The following HACL2 variants were observed in gnomAD, a reference collection of about 807,000 sequenced individuals.
HACL2 encodes 2-hydroxyacyl-CoA lyase 2.
At chr19:15,123,206 G>A in the HACL2 span, 13 of 1,613,928 alleles carry the variant, frequency 8.1e-6, no homozygotes, top group Non-Finnish European at 1.0e-5. The surrounding 1 kb of genome is among the most constrained non-coding windows in gnomAD (Gnocchi z 5.1). Flanking sequence ...TGTTGGTGAG[G>A]CCAGGGCCTG....
the HACL2 span, chr19:15,116,191 G>T: frequency 6.2e-7 from 1 of 1,613,808 alleles, no homozygotes; most frequent in African/African-American, 1.3e-5. Flanking sequence ...GGCTGTACCA[G>T]ATGGGCAGCA....
At chr19:15,116,298 G>A in the HACL2 span, 3 of 1,613,958 alleles carry the variant, frequency 1.9e-6, no homozygotes, top group African/African-American at 1.3e-5. Flanking sequence ...CAGGTGCTGG[G>A]CCACAGGCAT....
At chr19:15,125,198 C>CA in the HACL2 span, 2 of 918,038 alleles carry the variant, frequency 2.2e-6, no homozygotes, top group Admixed American at 5.9e-5. Flanking sequence ...GCCACGCCCC[C>CA]AACCCTGCCA....
At chr19:15,119,304 TG>T in the HACL2 span, 1 of 1,603,192 alleles carries the variant, frequency 6.2e-7, no homozygotes, top group East Asian at 2.2e-5. Context: ...ACGGCAGCCC[TG>T]GGAGTCCAGG....
At chr19:15,125,038 C>T in the HACL2 span, 12 of 1,558,144 alleles carry the variant, frequency 7.7e-6, no homozygotes, top group African/African-American at 5.4e-5. Context: ...CCAGCGGGGG[C>T]GGCGGCCGCG....
the HACL2 span, chr19:15,115,703 C>G: frequency 5.6e-6 from 9 of 1,601,628 alleles, no homozygotes; most frequent in African/African-American, 1.3e-5. Flanking sequence ...AGGCCGCAGC[C>G]TTCAGCCCCA....
the HACL2 span, chr19:15,123,558 G>C: frequency 6.2e-7 from 1 of 1,614,064 alleles, no homozygotes; most frequent in Non-Finnish European, 8.5e-7. This position sits in a 1 kb window ranked among gnomAD's most constrained non-coding sequence, Gnocchi z 5.1. Flanking sequence ...CCGCCATGCC[G>C]GACGCTTGCC....
the HACL2 span, chr19:15,119,024 T>A: frequency 2.4e-6 from 2 of 823,514 alleles, no homozygotes. Context: ...ATGCGTCTGG[T>A]TGGGTTCAAA....
the HACL2 span, chr19:15,124,763 G>A: frequency 1.0e-6 from 1 of 962,540 alleles, no homozygotes; most frequent in Non-Finnish European, 1.5e-6. Context: ...CATACACAGC[G>A]TGGCAATGGA....
chr19:15,115,297 G>A, the HACL2 span: 1 of 1,614,184 alleles, frequency 6.2e-7, no homozygotes, highest in Non-Finnish European at 8.5e-7. Flanking sequence ...TCCCAATGAG[G>A]ATGTTGACCA....
the HACL2 span, chr19:15,117,943 C>T: frequency 1.9e-6 from 3 of 1,614,144 alleles, no homozygotes; most frequent in Non-Finnish European, 2.5e-6. Flanking sequence ...TTCCCGATTA[C>T]GATTGACGAT....
the HACL2 span, chr19:15,124,640 C>G: frequency 4.2e-6 from 2 of 474,618 alleles, no homozygotes; most frequent in Non-Finnish European, 7.5e-6. Context: ...GCACAGAGTG[C>G]TGTCCATCTG....
the HACL2 span, chr19:15,115,660 C>A: frequency 1.2e-6 from 2 of 1,613,820 alleles, no homozygotes; most frequent in Non-Finnish European, 1.7e-6. Flanking sequence ...CTACCAAGGC[C>A]ATCACTGGGA....
chr19:15,116,594 A>C, the HACL2 span: 5 of 1,225,350 alleles, frequency 4.1e-6, no homozygotes, highest in Non-Finnish European at 5.9e-6. Context: ...AGGCCTCAAA[A>C]CAGCAGGAAG....
At chr19:15,119,966 A>G in the HACL2 span, 10 of 1,532,274 alleles carry the variant, frequency 6.5e-6, no homozygotes, top group South Asian at 1.2e-4. Flanking sequence ...TCAGACACAA[A>G]AGAGAGGCAA....
the HACL2 span, among the ~76,000 whole-genome samples, chr19:15,118,437 G>A: frequency 6.6e-6 from 1 of 152,104 alleles, no homozygotes; most frequent in South Asian, 2.1e-4. Flanking sequence ...CTCTGTCTAA[G>A]AAGTCTGACT....
chr19:15,116,368 C>T, the HACL2 span: 97 of 1,613,764 alleles, frequency 6.0e-5, no homozygotes, highest in Non-Finnish European at 7.7e-5. Context: ...CAGGGTCTGC[C>T]GGGAACCCCC....
chr19:15,117,834 G>A, the HACL2 span: 2 of 1,606,148 alleles, frequency 1.2e-6, no homozygotes, highest in African/African-American at 1.3e-5. Context: ...CAGGAGGAGA[G>A]GGACTGGGAG....
chr19:15,123,186 G>A, the HACL2 span: 48 of 1,613,804 alleles, frequency 3.0e-5, no homozygotes, highest in Non-Finnish European at 4.0e-5. This position sits in a 1 kb window ranked among gnomAD's most constrained non-coding sequence, Gnocchi z 5.1. Context: ...ATTCTTCACC[G>A]CAGTCACCGT....
Sources: allele counts gnomAD v4.1 joint callset (sites outside exome capture counted in the v4.1 genomes callset), GRCh38; gene constraint gnomAD v4.1.1; non-coding constraint Gnocchi (gnomAD v3.1); transcripts MANE v1.5; gene names NCBI Gene and HGNC (gene_info 2026-07-23, HGNC 2026-07-21).